Variants in LARGE1 observed in about 807,000 individuals in gnomAD.
LARGE1 encodes LARGE xylosyl- and glucuronyltransferase 1.
A neutral mutation model predicts 87.6 loss-of-function variants in LARGE1; 43 were observed. The observed-to-expected ratio is 0.49, with a 90% CI of 0.38 to 0.63. The LOEUF is 0.63. LARGE1 is among the 30% of genes least tolerant of loss of function. The pLI is 0.00. For synonymous variants in LARGE1, 434 were observed against 394.6 expected (o/e 1.10, Z -1.18); for missense variants, 802 against 1,000.2 (o/e 0.80, Z 2.67).
chr22:33,744,108 C>G (rs759123657), intron 2 of LARGE1: 4 of 152,192 alleles, frequency 2.6e-5, no homozygotes, highest in Non-Finnish European at 5.9e-5. Flanking sequence ...TTTTAATACT[C>G]TATTTTATTT....
intron 6 of LARGE1, chr22:33,563,066 A>T (rs2077908620): frequency 6.6e-6 from 1 of 152,540 alleles, no homozygotes; most frequent in South Asian, 2.1e-4. Context: ...TTCATCAGCC[A>T]TTCCGTGATG....
intron 11 of LARGE1, among the ~76,000 whole-genome samples, chr22:33,202,176 A>C (rs947142730): frequency 3.9e-5 from 6 of 152,086 alleles, no homozygotes; most frequent in African/African-American, 1.4e-4. Context: ...TTAAGAGCTT[A>C]GGTCTGCTTT....
intron 1 of LARGE1, among the ~76,000 whole-genome samples, chr22:33,863,394 G>A (rs1431197595): frequency 6.6e-6 from 1 of 152,114 alleles, no homozygotes; most frequent in East Asian, 1.9e-4. Flanking sequence ...GCCAGGGGAT[G>A]GCTGACAATG....
At chr22:33,306,592 G>T (rs1459373918) in intron 11 of LARGE1, among the ~76,000 whole-genome samples, 1 of 152,152 alleles carries the variant, frequency 6.6e-6, no homozygotes, top group Non-Finnish European at 1.5e-5. Flanking sequence ...GAACAGAGAG[G>T]CCAGGAGCGG....
chr22:33,452,675 C>T (rs990041575), intron 6 of LARGE1, among the ~76,000 whole-genome samples: 7 of 152,122 alleles, frequency 4.6e-5, no homozygotes, highest in African/African-American at 1.2e-4. Context: ...AGCATTTCAG[C>T]GCCATCAAAG....
intron 2 of LARGE1, among the ~76,000 whole-genome samples, chr22:33,693,599 C>T (rs796281440): frequency 7.2e-5 from 11 of 152,000 alleles, no homozygotes; most frequent in African/African-American, 2.7e-4. Flanking sequence ...CCGAGGCGGG[C>T]GGATCACAAG....
exon 12 of LARGE1, chr22:33,164,066 AAG>A (rs1435438450): frequency 4.6e-5 from 7 of 152,310 alleles, no homozygotes; most frequent in Middle Eastern, 6.8e-3. Context: ...GTGCCCCATT[AAG>A]AAGGGAGGTA....
chr22:33,288,506 T>G (rs993733817), intron 12 of LARGE1, among the ~76,000 whole-genome samples: 1 of 152,196 alleles, frequency 6.6e-6, no homozygotes, highest in Non-Finnish European at 1.5e-5. Context: ...TATTACTATC[T>G]ATAGGATATA....
chr22:33,632,826 A>T (rs2080151780), intron 3 of LARGE1, among the ~76,000 whole-genome samples: 1 of 152,184 alleles, frequency 6.6e-6, no homozygotes, highest in African/African-American at 2.4e-5. Flanking sequence ...CAAACTTGAG[A>T]ATTTATACAT....
intron 4 of LARGE1, among the ~76,000 whole-genome samples, chr22:33,609,408 G>A (rs940759782): frequency 6.4e-4 from 97 of 152,314 alleles, no homozygotes; most frequent in African/African-American, 2.3e-3. Flanking sequence ...ACTCTACAAG[G>A]AGGAGCACAA....
intron 2 of LARGE1, among the ~76,000 whole-genome samples, chr22:33,718,116 T>C (rs1440387734): frequency 5.3e-5 from 8 of 152,240 alleles, no homozygotes; most frequent in Admixed American, 5.2e-4. Flanking sequence ...CTAGGCTTTC[T>C]CTTCAAGCAC....
chr22:33,151,939 C>CA, the LARGE1 span, among the ~76,000 whole-genome samples: 8,845 of 109,622 alleles, frequency 0.081, 581 homozygotes, highest in African/African-American at 0.2. Context: ...ATGTTGGCCT[C>CA]AAAAAAAAAA....
intron 1 of LARGE1, among the ~76,000 whole-genome samples, chr22:33,772,732 T>C (rs993416341): frequency 6.6e-6 from 1 of 152,216 alleles, no homozygotes; most frequent in Non-Finnish European, 1.5e-5. Flanking sequence ...GATTGATTAC[T>C]TGCTTAATCG....
intron 6 of LARGE1, among the ~76,000 whole-genome samples, chr22:33,476,250 C>T (rs1044320284): frequency 7.9e-5 from 12 of 152,212 alleles, no homozygotes; most frequent in Non-Finnish European, 1.5e-5. Flanking sequence ...TTCCTCTGCC[C>T]TATTTATGTA....
At chr22:33,213,915 G>A (rs911236516) in intron 11 of LARGE1, among the ~76,000 whole-genome samples, 5 of 151,884 alleles carry the variant, frequency 3.3e-5, no homozygotes, top group South Asian at 4.2e-4. Context: ...TGCAGGCTCC[G>A]CCTCCCAAGT....
intron 11 of LARGE1, among the ~76,000 whole-genome samples, chr22:33,266,354 T>G (rs1927938869): frequency 2.0e-5 from 3 of 150,864 alleles, no homozygotes. Context: ...CCCGAGTAGC[T>G]GGGACTACAG....
chr22:33,709,750 C>A (rs574400094), intron 2 of LARGE1, among the ~76,000 whole-genome samples: 3 of 151,870 alleles, frequency 2.0e-5, no homozygotes, highest in Non-Finnish European at 2.9e-5. Context: ...CTCAGCCTCC[C>A]GAGTAGCTGG....
chr22:33,903,971 G>C (rs994261347), intron 1 of LARGE1, among the ~76,000 whole-genome samples: 1 of 152,184 alleles, frequency 6.6e-6, no homozygotes, highest in African/African-American at 2.4e-5. Flanking sequence ...ACACAGGACA[G>C]TCAAAAGGTT....
At chr22:33,709,339 G>C (rs898961531) in intron 2 of LARGE1, among the ~76,000 whole-genome samples, 1 of 152,092 alleles carries the variant, frequency 6.6e-6, no homozygotes, top group African/African-American at 2.4e-5. Flanking sequence ...GGTTGCTGGC[G>C]TCAGGCCCTG....
Sources: allele counts gnomAD v4.1 joint callset (sites outside exome capture counted in the v4.1 genomes callset), GRCh38; gene constraint gnomAD v4.1.1; transcripts MANE v1.5; gene names NCBI Gene and HGNC (gene_info 2026-07-23, HGNC 2026-07-21).